Variants in PRKCH observed in about 807,000 individuals in gnomAD.
The protein encoded by PRKCH is protein kinase C eta type.
In PRKCH, 28 loss-of-function variants were observed where a neutral mutation model predicts 82.5. That is an observed-to-expected ratio of 0.34 (90% confidence interval 0.25 to 0.47). The LOEUF is 0.47. PRKCH is among the 20% of genes least tolerant of loss of function. PRKCH has a pLI of 1.00. For missense variants in PRKCH, 705 were observed against 881.8 expected, an observed-to-expected ratio of 0.80 and a Z score of 2.54; for synonymous variants, 322 against 327.4, an observed-to-expected ratio of 0.98 and a Z score of 0.18.
At chr14:61,531,242 A>G (rs1231187063) in intron 12 of PRKCH, among the ~76,000 whole-genome samples, 2 of 152,352 alleles carry the variant, frequency 1.3e-5, no homozygotes, top group Admixed American at 6.5e-5. Flanking sequence ...TATGTTGAAA[A>G]TAAAGTACAT....
intron 9 of PRKCH, among the ~76,000 whole-genome samples, chr14:61,470,462 CTCTT>C (rs1420781689): frequency 3.3e-5 from 5 of 152,156 alleles, no homozygotes; most frequent in Admixed American, 1.3e-4. Context: ...GAGCGACTGA[CTCTT>C]TCTTTACAAG....
intron 9 of PRKCH, among the ~76,000 whole-genome samples, chr14:61,468,335 A>G (rs933411156): frequency 3.3e-5 from 5 of 152,152 alleles, no homozygotes; most frequent in Admixed American, 2.6e-4. Flanking sequence ...ATAGTGTTCC[A>G]TCTTTTTTTT....
intron 1 of PRKCH, among the ~76,000 whole-genome samples, chr14:61,287,713 G>GA (rs1040119662): frequency 0.01 from 1,478 of 143,074 alleles, 43 homozygotes; most frequent in East Asian, 0.098. Flanking sequence ...CCGTCTCAAG[G>GA]AAAAAAAAAA....
chr14:61,350,558 A>C (rs945567191), intron 1 of PRKCH, among the ~76,000 whole-genome samples: 1 of 152,164 alleles, frequency 6.6e-6, no homozygotes, highest in Non-Finnish European at 1.5e-5. Context: ...AAATTACAAC[A>C]GAGACTCTCT....
At chr14:61,226,836 C>T (rs2044700325) in intron 1 of PRKCH, among the ~76,000 whole-genome samples, 2 of 152,022 alleles carry the variant, frequency 1.3e-5, no homozygotes, top group Admixed American at 1.3e-4. Flanking sequence ...GGCTCCCCCA[C>T]CCAAAAATAT....
intron 13 of PRKCH, among the ~76,000 whole-genome samples, chr14:61,548,107 G>C (rs79723025): frequency 6.6e-6 from 1 of 152,122 alleles, no homozygotes; most frequent in African/African-American, 2.4e-5. Context: ...TTCACCCCTC[G>C]TTTACCCAAT....
At chr14:61,454,584 C>T (rs748537670) in intron 7 of PRKCH, among the ~76,000 whole-genome samples, 3 of 152,210 alleles carry the variant, frequency 2.0e-5, no homozygotes, top group Non-Finnish European at 4.4e-5. Flanking sequence ...CTGCACAGCC[C>T]TGGAGTCCAG....
At chr14:61,491,204 A>T (rs1886438037) in intron 10 of PRKCH, among the ~76,000 whole-genome samples, 1 of 152,180 alleles carries the variant, frequency 6.6e-6, no homozygotes, top group South Asian at 2.1e-4. Flanking sequence ...CATTCTACTC[A>T]TTCTAGTGAG....
Position 61,210,148 on chromosome 14 carries a change from AT to A in PRKCH, c.-19+22481del, listed in dbSNP as rs1566781704. Among the ~76,000 whole-genome samples, 89 of 76,602 alleles carry A rather than the reference AT, an allele frequency of 1.2e-3. 3 individuals are homozygous for A. Among genetic ancestry groups the A allele is most frequent in the South Asian group, 3.0e-3 (7 of 2,298 alleles). 50.3% of individuals were successfully genotyped at this position (76,602 alleles called of 152,430 possible). ...TATATATATATATATATATATATAT[AT>A]ATATATATATATAAATTAGCTTGGC... On this transcript the variant is annotated intron_variant, in intron 1 of 3. Coordinates refer to the PRKCH transcript ENST00000555185.
At chr14:61,399,060 C>T (rs533150195) in intron 2 of PRKCH, among the ~76,000 whole-genome samples, 56 of 152,250 alleles carry the variant, frequency 3.7e-4, no homozygotes, top group Middle Eastern at 3.4e-3. Context: ...TAGAAATACA[C>T]TTAAAAATAT....
intron 2 of PRKCH, among the ~76,000 whole-genome samples, chr14:61,396,359 A>T (rs1373110728): frequency 6.6e-6 from 1 of 152,214 alleles, no homozygotes; most frequent in Non-Finnish European, 1.5e-5. Context: ...ATACTGAATT[A>T]GCTCAGGCAA....
rs771346075 is a variant in PRKCH at position 61,449,168 on chromosome 14, C to T, written c.618C>T (p.Cys206=). ...TTGCTGGATTTAATTTCCTAGTGTGCACCTGTGTCGTCCATAAACGCTGCC... is the reference window on the plus strand; with the variant it reads ...TTGCTGGATTTAATTTCCTAGTGTGTACCTGTGTCGTCCATAAACGCTGCC... The part of the protein sequence containing the change: ...FGKQGYQCQV[C]TCVVHKRCHH... The change falls in exon 5 of 14, where the codon TGC becomes TGT. Residue 206 remains cysteine, a synonymous_variant. Transcript: ENST00000332981. The T allele has an allele frequency of 1.2e-6, 2 of 1,613,500 alleles. No individual in the cohort carries two copies. Among genetic ancestry groups the T allele is most frequent in the South Asian group, 2.2e-5 (2 of 91,072 alleles).
At chr14:61,225,507 C>T (rs562924666) in intron 1 of PRKCH, among the ~76,000 whole-genome samples, 1 of 152,304 alleles carries the variant, frequency 6.6e-6, no homozygotes, top group South Asian at 2.1e-4. Context: ...GCGCAGAACA[C>T]CCACTCTGTC....
intron 10 of PRKCH, among the ~76,000 whole-genome samples, chr14:61,502,020 A>G (rs938756601): frequency 2.6e-5 from 4 of 151,698 alleles, no homozygotes; most frequent in Non-Finnish European, 5.9e-5. Flanking sequence ...ATCCTTAAAG[A>G]AAGGTAGTAG....
intron 2 of PRKCH, among the ~76,000 whole-genome samples, chr14:61,414,674 T>C (rs1264176591): frequency 1.4e-5 from 2 of 144,618 alleles, no homozygotes; most frequent in South Asian, 2.2e-4. Flanking sequence ...AGAGACGGGG[T>C]TTCATCATGC....
intron 1 of PRKCH, among the ~76,000 whole-genome samples, chr14:61,286,996 A>C (rs2045321321): frequency 1.3e-5 from 2 of 151,888 alleles, no homozygotes. Context: ...ACCTGAGGTC[A>C]AGAGTTAGAG....
intron 9 of PRKCH, among the ~76,000 whole-genome samples, chr14:61,475,472 A>C (rs1443720658): frequency 1.3e-5 from 2 of 152,236 alleles, no homozygotes; most frequent in African/African-American, 4.8e-5. Context: ...TTGACCAATC[A>C]ATTAAAACAC....
At chr14:61,517,330 T>C (rs919673066) in intron 10 of PRKCH, among the ~76,000 whole-genome samples, 2 of 152,230 alleles carry the variant, frequency 1.3e-5, no homozygotes, top group African/African-American at 4.8e-5. Flanking sequence ...GAAGAAAAGT[T>C]CCAACGCTGG....
intron 2 of PRKCH, among the ~76,000 whole-genome samples, chr14:61,428,123 A>G (rs930644905): frequency 6.6e-6 from 1 of 150,922 alleles, no homozygotes; most frequent in Non-Finnish European, 1.5e-5. Context: ...ATATATATAT[A>G]TATATATATG....
Sources: gnomAD v4.1 joint callset for allele counts (sites outside exome capture counted in the v4.1 genomes callset) on GRCh38, gnomAD v4.1.1 for gene constraint, MANE v1.5 for transcripts, NCBI Gene and HGNC (gene_info 2026-07-23, HGNC 2026-07-21) for gene names.